CYRIA: variants seen among roughly 807,000 people sequenced by gnomAD.
The protein encoded by CYRIA is CYFIP-related Rac1 interactor A.
CYRIA carries 15 observed loss-of-function variants against 43.9 expected under a neutral mutation model. The observed-to-expected ratio is 0.34, with a 90% confidence interval of 0.23 to 0.53. The LOEUF (loss-of-function observed/expected upper bound fraction) is 0.53. Ranked by LOEUF, CYRIA falls within the 20% of genes least tolerant of loss-of-function variation. CYRIA has a pLI of 0.94. For synonymous variants in CYRIA, 117 were observed against 136.0 expected (o/e 0.86, Z 0.97); for missense variants, 236 against 394.2 (o/e 0.60, Z 3.40).
intron 3 of CYRIA, among the ~76,000 whole-genome samples, chr2:16,583,353 G>A (rs1051796995): frequency 2.0e-5 from 3 of 152,168 alleles, no homozygotes; most frequent in East Asian, 3.8e-4. Context: ...CTTCCCTGTT[G>A]TAAACACTAA....
At chr2:16,638,229 C>T (rs1361147445) in intron 1 of CYRIA, among the ~76,000 whole-genome samples, 1 of 152,184 alleles carries the variant, frequency 6.6e-6, no homozygotes, top group East Asian at 1.9e-4. Flanking sequence ...TCTTCCACCC[C>T]TGGGGATGAA....
At chr2:16,602,269 A>G (rs1200882469) in intron 2 of CYRIA, among the ~76,000 whole-genome samples, 2 of 152,176 alleles carry the variant, frequency 1.3e-5, no homozygotes, top group African/African-American at 4.8e-5. Context: ...CAGAATCTAT[A>G]ATCTTTAGCC....
intron 2 of CYRIA, among the ~76,000 whole-genome samples, chr2:16,610,981 C>T (rs1360603212): frequency 7.1e-6 from 1 of 140,852 alleles, no homozygotes; most frequent in Non-Finnish European, 1.5e-5. Flanking sequence ...GTAATATTTA[C>T]ACCTATCTGT....
At chr2:16,660,921 C>T (rs1022397507) in intron 1 of CYRIA, among the ~76,000 whole-genome samples, 1 of 152,140 alleles carries the variant, frequency 6.6e-6, no homozygotes, top group Non-Finnish European at 1.5e-5. Context: ...GATTCTTAGG[C>T]CAGGGAAATT....
At chr2:16,656,782 T>C (rs1183860423) in intron 1 of CYRIA, among the ~76,000 whole-genome samples, 1 of 152,242 alleles carries the variant, frequency 6.6e-6, no homozygotes, top group Non-Finnish European at 1.5e-5. Flanking sequence ...GAATGGCCGT[T>C]GCCATTAGGG....
intron 1 of CYRIA, among the ~76,000 whole-genome samples, chr2:16,662,556 T>C (rs1478892533): frequency 6.6e-6 from 1 of 152,210 alleles, no homozygotes; most frequent in Non-Finnish European, 1.5e-5. Context: ...AGGTAATTCA[T>C]GCAGCTCCTG....
At chr2:16,602,872 C>T (rs1005511120) in intron 2 of CYRIA, among the ~76,000 whole-genome samples, 2 of 152,154 alleles carry the variant, frequency 1.3e-5, no homozygotes, top group Admixed American at 6.5e-5. Context: ...AGGACACCCT[C>T]GCTGGTGGTC....
At chr2:16,661,124 A>C (rs902393738) in intron 1 of CYRIA, among the ~76,000 whole-genome samples, 2 of 152,094 alleles carry the variant, frequency 1.3e-5, no homozygotes, top group African/African-American at 4.8e-5. Context: ...CTCTACAAAA[A>C]GTGAAAAGAT....
intron 1 of CYRIA, among the ~76,000 whole-genome samples, chr2:16,633,088 C>A (rs1669376178): frequency 6.6e-6 from 1 of 152,208 alleles, no homozygotes; most frequent in Non-Finnish European, 1.5e-5. Flanking sequence ...AATCCATATT[C>A]CTAAGCTGAG....
chr2:16,578,833 G>GAAA (rs1250724546), intron 3 of CYRIA, among the ~76,000 whole-genome samples: 2 of 151,824 alleles, frequency 1.3e-5, no homozygotes, highest in Admixed American at 6.6e-5. Context: ...AGAAGAAGAA[G>GAAA]AAAACAGAAA....
chr2:16,580,728 C>T (rs1204555654), intron 3 of CYRIA, among the ~76,000 whole-genome samples: 2 of 152,118 alleles, frequency 1.3e-5, no homozygotes, highest in Non-Finnish European at 2.9e-5. Flanking sequence ...TCTTTCTTGA[C>T]TCTAAGACCT....
Position 16,581,717 on chromosome 2 carries a change from C to T in CYRIA, c.70+6333G>A, listed in dbSNP as rs75070731. ...AGGAATTCCACTCCTAGGTATTTAC[C>T]CAAGGAATATAATGCCCACAAATAT... On this transcript the variant is annotated intron_variant, in intron 3 of 11. Transcript: ENST00000381323. Among the ~76,000 whole-genome samples, 1,259 of 151,976 alleles carry T rather than the reference C, an allele frequency of 8.3e-3. 36 individuals are homozygous for T. The East Asian group carries it at 0.12, about 15-fold the overall frequency.
intron 1 of CYRIA, among the ~76,000 whole-genome samples, chr2:16,627,513 A>C (rs550521559): frequency 1.4e-4 from 21 of 152,240 alleles, no homozygotes; most frequent in Non-Finnish European, 2.9e-4. Flanking sequence ...CAAACTAGGT[A>C]GGCATTATTA....
intron 2 of CYRIA, among the ~76,000 whole-genome samples, chr2:16,608,494 G>A (rs1668483851): frequency 6.6e-6 from 1 of 152,154 alleles, no homozygotes; most frequent in Admixed American, 6.5e-5. Context: ...GAATGAGGAC[G>A]GCGTTTTGTA....
At chr2:16,565,453 T>G (rs1443441798) in intron 4 of CYRIA, among the ~76,000 whole-genome samples, 193 bp downstream of exon 4, 1 of 152,222 alleles carries the variant, frequency 6.6e-6, no homozygotes, top group Non-Finnish European at 1.5e-5. Flanking sequence ...CCCAAAGTAC[T>G]GGGATTATAG....
At chr2:16,610,481 A>G (rs1044956780) in intron 2 of CYRIA, among the ~76,000 whole-genome samples, 1 of 152,206 alleles carries the variant, frequency 6.6e-6, no homozygotes, top group African/African-American at 2.4e-5. Context: ...ACTTATTAGC[A>G]CATGGTTTGG....
intron 4 of CYRIA, among the ~76,000 whole-genome samples, chr2:16,564,612 G>A (rs948522352): frequency 1.3e-5 from 2 of 152,098 alleles, no homozygotes; most frequent in African/African-American, 2.4e-5. Flanking sequence ...GGATTATGAC[G>A]GTGGTGGTGT....
chr2:16,567,535 C>T (rs1048780398), intron 3 of CYRIA, among the ~76,000 whole-genome samples: 2 of 152,118 alleles, frequency 1.3e-5, no homozygotes, highest in African/African-American at 2.4e-5. Context: ...CGGTGAGGAA[C>T]TGAGGCGGGG....
chr2:16,655,825 A>G (rs1457243758), intron 1 of CYRIA, among the ~76,000 whole-genome samples: 2 of 151,700 alleles, frequency 1.3e-5, no homozygotes, highest in African/African-American at 4.9e-5. Context: ...TTTTATTTCT[A>G]AAGTCGCATA....
Sources: gnomAD v4.1 joint callset for allele counts (sites outside exome capture counted in the v4.1 genomes callset) on GRCh38, gnomAD v4.1.1 for gene constraint, MANE v1.5 for transcripts, NCBI Gene and HGNC (gene_info 2026-07-23, HGNC 2026-07-21) for gene names.